Variants in NRG1 observed in about 807,000 individuals in gnomAD.
NRG1 encodes the protein pro-neuregulin-1, membrane-bound isoform.
NRG1 carries 18 observed loss-of-function variants against 63.8 expected under a neutral mutation model. That is an observed-to-expected ratio of 0.28 (90% CI 0.19 to 0.42). The LOEUF (loss-of-function observed/expected upper bound fraction) is 0.42. NRG1 is among the 10% of genes least tolerant of loss of function. The pLI is 1.00. For synonymous variants in NRG1, 302 were observed against 301.3 expected, an observed-to-expected ratio of 1.00 and a Z score of -0.02; for missense variants, 762 against 814.7, an observed-to-expected ratio of 0.94 and a Z score of 0.79.
At chr8:31,872,784 A>G (rs1465515488) in intron 1 of NRG1, among the ~76,000 whole-genome samples, 7 of 152,318 alleles carry the variant, frequency 4.6e-5, no homozygotes, top group East Asian at 3.9e-4. Flanking sequence ...AAACAGTGCT[A>G]TGTAAACTTG....
At chr8:31,774,669 G>C (rs1026883715) in intron 1 of NRG1, among the ~76,000 whole-genome samples, 1 of 152,072 alleles carries the variant, frequency 6.6e-6, no homozygotes, top group African/African-American at 2.4e-5. Context: ...GATTATTTCT[G>C]TTGCTTTGCA....
intron 1 of NRG1, among the ~76,000 whole-genome samples, chr8:31,988,290 G>C (rs945669126): frequency 6.6e-6 from 1 of 152,024 alleles, no homozygotes; most frequent in Non-Finnish European, 1.5e-5. Context: ...TTCAGAGTTC[G>C]ACCATAACTA....
intron 1 of NRG1, among the ~76,000 whole-genome samples, chr8:32,105,030 C>T (rs965057815): frequency 2.6e-5 from 4 of 151,838 alleles, no homozygotes; most frequent in African/African-American, 9.7e-5. Context: ...GTAATATGTA[C>T]TCCATATAAT....
chr8:31,687,639 T>C (rs926742763), intron 1 of NRG1, among the ~76,000 whole-genome samples: 3 of 152,210 alleles, frequency 2.0e-5, no homozygotes, highest in African/African-American at 7.2e-5. Context: ...AGGTAGACTC[T>C]GATACAGGGC....
At chr8:32,511,229 G>C (rs932367947) in intron 1 of NRG1, among the ~76,000 whole-genome samples, 9 of 150,528 alleles carry the variant, frequency 6.0e-5, no homozygotes, top group African/African-American at 2.2e-4. Flanking sequence ...ACATACAACA[G>C]ATATTTATCA....
downstream of NRG1, among the ~76,000 whole-genome samples, chr8:32,771,715 A>AAAAAAATAT (rs1343943621): frequency 0.016 from 1,798 of 111,694 alleles, 18 homozygotes; most frequent in Middle Eastern, 0.051. Context: ...TTAAAAAAAA[A>AAAAAAATAT]ATATATATAT....
chr8:32,123,611 T>C lies in NRG1; in HGVS notation c.38-472217T>C, dbSNP rs1029372639. ...TATTATATACTTATATATAATAATA[T>C]AAAAATATTCATTGTGCATTTATAT... On this transcript the variant is annotated intron_variant, in intron 1 of 10. Coordinates refer to the NRG1 transcript ENST00000519301. Among the ~76,000 whole-genome samples the C allele has an allele frequency of 4.7e-5, 7 of 148,596 alleles. No homozygotes were observed. In the Admixed American group the frequency reaches 4.7e-4, roughly 10 times the overall value.
intron 1 of NRG1, among the ~76,000 whole-genome samples, chr8:31,925,124 A>C (rs1440293707): frequency 1.7e-4 from 1 of 5,774 alleles, no homozygotes; most frequent in African/African-American, 2.5e-3. Flanking sequence ...ATATATAATG[A>C]CATATATATG....
chr8:32,171,361 G>A (rs1840012425), intron 1 of NRG1: 1 of 152,212 alleles, frequency 6.6e-6, no homozygotes, highest in South Asian at 2.1e-4. Flanking sequence ...ACCTGCATGA[G>A]AGGGTGGAGC....
In NRG1 at chr8:31,899,078, T is replaced by C. The variant is rs189514514; in HGVS notation, c.37+259647T>C. Among the ~76,000 whole-genome samples, 579 of 151,206 alleles carry C rather than the reference T, an allele frequency of 3.8e-3. 1 individual carries two copies. The highest frequency in any genetic ancestry group is 0.024 in the Middle Eastern group (7 of 292). ...AGCAGAAGATTTAAGCAAAGAGATA[T>C]GTAAAATATATTAAAAAATTTTTAA... On this transcript the variant is annotated intron_variant, in intron 1 of 10. Transcript: ENST00000519301.
chr8:32,344,915 C>G (rs1421597115), intron 1 of NRG1, among the ~76,000 whole-genome samples: 1 of 152,178 alleles, frequency 6.6e-6, no homozygotes, highest in Non-Finnish European at 1.5e-5. Context: ...GAAGACGGAT[C>G]TCTCTGAGCC....
chr8:31,897,291 T>C (rs1399615010), intron 1 of NRG1, among the ~76,000 whole-genome samples: 2 of 151,996 alleles, frequency 1.3e-5, no homozygotes, highest in African/African-American at 4.8e-5. Flanking sequence ...AGCTGACCAG[T>C]ATTAACATTA....
Position 32,742,157 on chromosome 8 carries a change from C to T in NRG1, c.633-518C>T, listed in dbSNP as rs774331937. Reference sequence around the variant, plus strand: ...CCACTTGGTGCTTTTACAGCTCAGTCGTAACTGATTCATTTTGTTCTAATT... The same window carrying T: ...CCACTTGGTGCTTTTACAGCTCAGTTGTAACTGATTCATTTTGTTCTAATT... On this transcript the variant is annotated intron_variant, in intron 6 of 11. Coordinates refer to ENST00000356819, the Ensembl canonical transcript of NRG1. This position sits in a 1 kb window ranked among gnomAD's most constrained non-coding sequence, Gnocchi z 4.2. 9 of 1,086,482 alleles carry T rather than the reference C, an allele frequency of 8.3e-6. No homozygotes were observed. The highest frequency in any genetic ancestry group is 8.5e-6 in the Non-Finnish European group (6 of 707,612). The allele number at this position is 1,086,482 out of a possible 1,614,324, so 67.3% of individuals were successfully genotyped here. A position where few individuals can be genotyped will look rare whatever the true frequency, so the allele number is the denominator to read the frequency against.
chr8:31,666,277 T>C (rs1224919675), intron 1 of NRG1, among the ~76,000 whole-genome samples: 1 of 152,124 alleles, frequency 6.6e-6, no homozygotes, highest in African/African-American at 2.4e-5. Context: ...AGTTATAAGC[T>C]TTGCATTAAA....
At chr8:31,663,981 T>A (rs1806270089) in intron 1 of NRG1, among the ~76,000 whole-genome samples, 1 of 152,142 alleles carries the variant, frequency 6.6e-6, no homozygotes, top group Non-Finnish European at 1.5e-5. Context: ...TCTTTTCTTT[T>A]TTTTTAGGGG....
intron 1 of NRG1, among the ~76,000 whole-genome samples, chr8:31,880,502 A>G (rs1305778883): frequency 6.6e-6 from 1 of 152,212 alleles, no homozygotes; most frequent in Non-Finnish European, 1.5e-5. Context: ...TACCTATCAC[A>G]CAAGATTTTC....
chr8:31,695,416 T>G (rs144502456), intron 1 of NRG1, among the ~76,000 whole-genome samples: 349 of 152,318 alleles, frequency 2.3e-3, no homozygotes, highest in African/African-American at 8.2e-3. Flanking sequence ...GTGATCTGCC[T>G]GCAGTGGCCT....
chr8:32,241,308 A>T lies in NRG1; in HGVS notation c.38-354520A>T, dbSNP rs146911595. 3.3e-3 allele frequency among the ~76,000 whole-genome samples: 505 copies of T among 152,322 alleles called. 2 individuals are homozygous for T. Among genetic ancestry groups the T allele is most frequent in the African/African-American group, 0.011 (477 of 41,576 alleles). On this transcript the variant is annotated intron_variant, in intron 1 of 10. Transcript: ENST00000519301. ...TCAAGAAATTTCTAAGTAAAATGCA[A>T]TGCAATAAATTACTTAAGAATTCTC... is the stretch of plus-strand genomic sequence containing the variant.
At chr8:32,692,810 A>C (rs1812144898) in intron 5 of NRG1, among the ~76,000 whole-genome samples, 1 of 152,124 alleles carries the variant, frequency 6.6e-6, no homozygotes, top group Non-Finnish European at 1.5e-5. Flanking sequence ...GATGGGCAGG[A>C]GGAGAAACAC....
Sources: allele counts gnomAD v4.1 joint callset (sites outside exome capture counted in the v4.1 genomes callset), GRCh38; gene constraint gnomAD v4.1.1; non-coding constraint Gnocchi (gnomAD v3.1); transcripts MANE v1.5; gene names NCBI Gene and HGNC (gene_info 2026-07-23, HGNC 2026-07-21).